RNFT2: variants seen among roughly 807,000 people sequenced by gnomAD.
RNFT2 encodes the protein ring finger protein, transmembrane 2.
RNFT2 carries 36 observed loss-of-function variants against 53.0 expected under a neutral mutation model. That is an observed-to-expected ratio of 0.68 (90% CI 0.52 to 0.90). RNFT2 has a LOEUF of 0.90. Among genes scored for constraint, RNFT2 ranks in the 40% least tolerant of loss-of-function variants. The pLI, the probability that RNFT2 is intolerant of heterozygous loss-of-function variation, is 0.00. For synonymous variants in RNFT2, 260 were observed against 253.2 expected, an observed-to-expected ratio of 1.03 and a Z score of -0.26; for missense variants, 514 against 585.6, an observed-to-expected ratio of 0.88 and a Z score of 1.26.
At position 116,852,554 on chromosome 12, in the gene RNFT2, C is replaced by T; in HGVS notation, c.*3106C>T. On this transcript the variant is annotated 3_prime_UTR_variant, in exon 11 of 11. Coordinates refer to ENST00000257575, the MANE Select transcript of RNFT2 (RefSeq NM_001382266.1). ...AGAGGGAAATGGGGCCATGTGAATG[C>T]AGCTGCTCTGTTCTCCCTACCCTGA... 6.2e-7 allele frequency: 1 copy of T among 1,603,368 alleles called. No homozygotes were observed. Among genetic ancestry groups the T allele is most frequent in the Non-Finnish European group, 8.5e-7 (1 of 1,174,342 alleles).
chr12:116,840,588 TTGACACCTACCTC>T (rs1198721492), intron 10 of RNFT2, among the ~76,000 whole-genome samples: 2 of 152,338 alleles, frequency 1.3e-5, no homozygotes, highest in South Asian at 4.1e-4. Flanking sequence ...ATCAGAGTTC[TTGACACCTACCTC>T]TGACTCCTCC....
chr12:116,834,891 C>A (rs1876881245), intron 8 of RNFT2, among the ~76,000 whole-genome samples: 1 of 150,900 alleles, frequency 6.6e-6, no homozygotes, highest in Admixed American at 6.6e-5. Flanking sequence ...GCTCTGTTGC[C>A]CAGGCTGGAG....
intron 8 of RNFT2, among the ~76,000 whole-genome samples, chr12:116,834,699 T>C (rs1876865696): frequency 6.6e-6 from 1 of 152,172 alleles, no homozygotes; most frequent in African/African-American, 2.4e-5. Flanking sequence ...TCATTTAACA[T>C]TGTATTTTTG....
intron 10 of RNFT2, among the ~76,000 whole-genome samples, chr12:116,836,522 C>A (rs572103845): frequency 6.6e-6 from 1 of 152,110 alleles, no homozygotes; most frequent in African/African-American, 2.4e-5. Context: ...TGCCAAATTC[C>A]GTATGGTGTA....
intron 1 of RNFT2, chr12:116,738,616 GAA>G (rs1335025432): frequency 6.6e-6 from 1 of 152,126 alleles, no homozygotes; most frequent in African/African-American, 2.4e-5. Flanking sequence ...CGCAAGCATC[GAA>G]AAGTCTCGGT....
chr12:116,759,229 C>T (rs1872605734), intron 5 of RNFT2, among the ~76,000 whole-genome samples: 1 of 152,174 alleles, frequency 6.6e-6, no homozygotes, highest in African/African-American at 2.4e-5. Context: ...TTTCTTTAAG[C>T]TATCTATTTC....
rs1039811598 is a variant in RNFT2 at position 116,799,462 on chromosome 12, G to A, written c.882+20114G>A. Among the ~76,000 whole-genome samples the A allele has an allele frequency of 5.3e-5, 8 of 152,120 alleles. No homozygotes were observed. In the East Asian group the frequency reaches 1.2e-3, roughly 22 times the overall value. On this transcript the variant is annotated intron_variant, in intron 7 of 10. Coordinates refer to ENST00000257575, the MANE Select transcript of RNFT2 (RefSeq NM_001382266.1). The stretch of plus-strand genomic sequence containing the variant: ...CTAGATGTGATATTTCATTACCTTC[G>A]TAGTACTGGGCATTAAGATGGGAAA...
At chr12:116,816,260 G>T (rs952673430) in intron 7 of RNFT2, among the ~76,000 whole-genome samples, 1 of 152,068 alleles carries the variant, frequency 6.6e-6, no homozygotes, top group African/African-American at 2.4e-5. Context: ...CACGTGCGCT[G>T]GGCCCTTCCT....
chr12:116,792,179 A>G lies in RNFT2; in HGVS notation c.882+12831A>G, dbSNP rs147950156. 2.8e-3 allele frequency among the ~76,000 whole-genome samples: 423 copies of G among 152,216 alleles called. 3 individuals carry two copies. The highest frequency in any genetic ancestry group is 8.4e-3 in the African/African-American group (347 of 41,524). ...ATTCTCCTGACTCAGCCTCCTGAGT[A>G]GCTGGGATTACAGCTGTGCACCACC... On this transcript the variant is annotated intron_variant, in intron 7 of 10. Transcript: ENST00000257575.
chr12:116,759,266 G>T (rs1427338161), intron 5 of RNFT2, among the ~76,000 whole-genome samples: 2 of 152,036 alleles, frequency 1.3e-5, no homozygotes, highest in African/African-American at 4.8e-5. Context: ...TTCACTTCTT[G>T]TATCATATTT....
chr12:116,763,085 A>G (rs971154152), intron 5 of RNFT2, among the ~76,000 whole-genome samples: 2 of 152,118 alleles, frequency 1.3e-5, no homozygotes, highest in Admixed American at 6.5e-5. Context: ...TTCTCTGTTT[A>G]AGAAAAAATA....
At chr12:116,813,568 C>T (rs1404673531) in intron 7 of RNFT2, among the ~76,000 whole-genome samples, 3 of 152,196 alleles carry the variant, frequency 2.0e-5, no homozygotes, top group Admixed American at 6.5e-5. Flanking sequence ...GTTGTGAATG[C>T]ATCATGTGAT....
intron 5 of RNFT2, among the ~76,000 whole-genome samples, chr12:116,758,529 G>C (rs944872195): frequency 2.6e-5 from 4 of 152,236 alleles, no homozygotes; most frequent in Admixed American, 1.3e-4. Context: ...TCTTATAGTG[G>C]TGACTTGGTA....
At chr12:116,806,644 C>T (rs1045358928) in intron 7 of RNFT2, among the ~76,000 whole-genome samples, 5 of 150,614 alleles carry the variant, frequency 3.3e-5, no homozygotes, top group East Asian at 2.0e-4. Flanking sequence ...CCCAGCTACT[C>T]GGGAGACTGA....
At chr12:116,750,810 ATATATATAT>A in intron 4 of RNFT2, among the ~76,000 whole-genome samples, 1 of 12,300 alleles carries the variant, frequency 8.1e-5, no homozygotes, top group African/African-American at 3.0e-4. Flanking sequence ...TATATATATA[ATATATATAT>A]TATATATATA....
chr12:116,812,724 G>A (rs1004199463), intron 7 of RNFT2, among the ~76,000 whole-genome samples: 1 of 152,004 alleles, frequency 6.6e-6, no homozygotes, highest in African/African-American at 2.4e-5. Flanking sequence ...AGTAGAGATG[G>A]GGTTTTACCA....
chr12:116,843,419 A>G (rs1877452075), intron 10 of RNFT2, among the ~76,000 whole-genome samples: 2 of 150,470 alleles, frequency 1.3e-5, no homozygotes, highest in South Asian at 4.3e-4. Flanking sequence ...TCGAGCCCCA[A>G]AAGGTCGAGG....
chr12:116,779,586 A>G (rs1873597366), intron 7 of RNFT2, among the ~76,000 whole-genome samples: 1 of 152,144 alleles, frequency 6.6e-6, no homozygotes, highest in Admixed American at 6.5e-5. Context: ...TTCCTAAGTT[A>G]GGTTGTTCAC....
chr12:116,848,282 T>C (rs1877720452), intron 10 of RNFT2, among the ~76,000 whole-genome samples: 1 of 152,244 alleles, frequency 6.6e-6, no homozygotes, highest in Non-Finnish European at 1.5e-5. Context: ...GTCTTTGCTA[T>C]TGTGAATAGT....
Sources: allele counts gnomAD v4.1 joint callset (sites outside exome capture counted in the v4.1 genomes callset), GRCh38; gene constraint gnomAD v4.1.1; transcripts MANE v1.5; gene names NCBI Gene and HGNC (gene_info 2026-07-23, HGNC 2026-07-21).